WWOX: variants seen among roughly 807,000 people sequenced by gnomAD.
WWOX encodes the protein WW domain-containing oxidoreductase.
WWOX carries 69 observed loss-of-function variants against 46.2 expected under a neutral mutation model. The observed-to-expected ratio is 1.49, with a 90% confidence interval of 1.23 to 1.82. The LOEUF is 1.82. Ranked by LOEUF, WWOX falls within the 40% of genes most tolerant of loss-of-function variation. The probability of loss-of-function intolerance (pLI) is 0.00; values close to 1 mark genes in which losing one functional copy is unlikely to be tolerated. For synonymous variants in WWOX, 359 were observed against 202.6 expected (o/e 1.77, Z -6.56); for missense variants, 919 against 542.6 (o/e 1.69, Z -6.89).
At chr16:79,097,891 T>G (rs1483745707) in intron 8 of WWOX, among the ~76,000 whole-genome samples, 1 of 152,074 alleles carries the variant, frequency 6.6e-6, no homozygotes, top group Non-Finnish European at 1.5e-5. Context: ...CAGGTGAAGT[T>G]TCAAACCACC....
At chr16:79,150,798 C>T (rs1009251672) in intron 8 of WWOX, among the ~76,000 whole-genome samples, 1 of 152,182 alleles carries the variant, frequency 6.6e-6, no homozygotes, top group African/African-American at 2.4e-5. Context: ...TGTGTCACTG[C>T]ATCCAGCTTA....
At chr16:78,544,808 A>C (rs1033430225) in intron 8 of WWOX, among the ~76,000 whole-genome samples, 3 of 152,146 alleles carry the variant, frequency 2.0e-5, no homozygotes, top group African/African-American at 7.2e-5. Context: ...CCAGAAGTTC[A>C]AGGCTGCAGT....
intron 8 of WWOX, among the ~76,000 whole-genome samples, chr16:78,959,268 A>T (rs2046228024): frequency 6.6e-6 from 1 of 152,180 alleles, no homozygotes. Context: ...AGGGCATTGA[A>T]CTTAATTCAT....
rs117901855 is a variant in WWOX at position 78,817,315 on chromosome 16, A to C, written c.1056+384563A>C. 6.9e-3 allele frequency among the ~76,000 whole-genome samples: 1,043 copies of C among 150,952 alleles called. 9 individuals carry two copies. The highest frequency in any genetic ancestry group is 0.011 in the Non-Finnish European group (715 of 67,934). ...GTGTAGACTTGATAGAATTCTGATT[A>C]ATGCATCTTATTACATTAATTTTAG... On this transcript the variant is annotated intron_variant, in intron 8 of 8. Coordinates refer to ENST00000566780, the MANE Select transcript of WWOX (RefSeq NM_016373.4).
intron 8 of WWOX, among the ~76,000 whole-genome samples, chr16:79,044,836 C>G (rs2048036324): frequency 6.6e-6 from 1 of 152,166 alleles, no homozygotes; most frequent in African/African-American, 2.4e-5. Context: ...TGCCACTTAA[C>G]AGCTCTGTGA....
In WWOX at chr16:78,974,205, G is replaced by A. The variant is rs139735909; in HGVS notation, c.1057-237403G>A. On this transcript the variant is annotated intron_variant, in intron 8 of 8. Transcript: ENST00000566780. ...CTTTTGGAGGGAAAAGAAGGCAAGC[G>A]TACTCTTCAGAGAACGGATTCTTTT... Among the ~76,000 whole-genome samples, 556 of 152,334 alleles carry A rather than the reference G, an allele frequency of 3.6e-3. 2 individuals are homozygous for A. Among genetic ancestry groups the A allele is most frequent in the Non-Finnish European group, 6.1e-3 (417 of 68,036 alleles).
chr16:78,625,204 C>T (rs931176669), intron 8 of WWOX, among the ~76,000 whole-genome samples: 1 of 152,174 alleles, frequency 6.6e-6, no homozygotes, highest in Non-Finnish European at 1.5e-5. Flanking sequence ...AGGACAGCTG[C>T]AGTTCTGCGT....
intron 8 of WWOX, among the ~76,000 whole-genome samples, chr16:79,023,967 A>AC (rs57078629): frequency 4.0e-5 from 6 of 149,996 alleles, no homozygotes; most frequent in Admixed American, 2.0e-4. Context: ...AAACAAACAA[A>AC]AAAAACATTA....
chr16:79,151,407 G>A (rs559640770), intron 8 of WWOX, among the ~76,000 whole-genome samples: 23 of 152,284 alleles, frequency 1.5e-4, no homozygotes, highest in Admixed American at 5.2e-4. Context: ...GAGTATGTGC[G>A]CCTTCTTTTT....
intron 8 of WWOX, among the ~76,000 whole-genome samples, chr16:78,748,524 C>G (rs997910953): frequency 6.6e-6 from 1 of 152,108 alleles, no homozygotes; most frequent in Admixed American, 6.5e-5. Flanking sequence ...AGGGTCTTGC[C>G]CCATCTTGGC....
At chr16:78,374,841 C>T (rs1168669967) in intron 5 of WWOX, among the ~76,000 whole-genome samples, 1 of 152,036 alleles carries the variant, frequency 6.6e-6, no homozygotes, top group African/African-American at 2.4e-5. Flanking sequence ...CGAGTCTCCG[C>T]ACCCGGCCCT....
intron 8 of WWOX, among the ~76,000 whole-genome samples, chr16:79,113,457 C>T (rs1381853445): frequency 6.6e-6 from 1 of 152,194 alleles, no homozygotes; most frequent in Non-Finnish European, 1.5e-5. Flanking sequence ...TGGTCCACAC[C>T]TTGGTACAAC....
chr16:78,492,037 G>A (rs77062799), intron 8 of WWOX, among the ~76,000 whole-genome samples: 1 of 151,938 alleles, frequency 6.6e-6, no homozygotes, highest in Non-Finnish European at 1.5e-5. Flanking sequence ...AGGGAGTGGG[G>A]GTGTGGGGGT....
chr16:78,219,552 C>A (rs962974015), intron 5 of WWOX, among the ~76,000 whole-genome samples: 1 of 152,156 alleles, frequency 6.6e-6, no homozygotes, highest in African/African-American at 2.4e-5. Flanking sequence ...GAAAAACTCT[C>A]AGAGCTTGTC....
At chr16:78,539,281 C>G (rs2043830889) in intron 8 of WWOX, among the ~76,000 whole-genome samples, 1 of 152,192 alleles carries the variant, frequency 6.6e-6, no homozygotes. Context: ...CTGCGTGAGC[C>G]TTGTCCTACT....
At chr16:78,634,227 G>A (rs1254535133) in intron 8 of WWOX, among the ~76,000 whole-genome samples, 3 of 152,264 alleles carry the variant, frequency 2.0e-5, no homozygotes, top group African/African-American at 7.2e-5. Context: ...CCATAGTGGT[G>A]AGCTAAGAGC....
intron 8 of WWOX, among the ~76,000 whole-genome samples, chr16:78,932,809 GAACA>G (rs1292006864): frequency 3.9e-5 from 6 of 152,152 alleles, no homozygotes; most frequent in African/African-American, 7.2e-5. Context: ...CCCTCCTGTA[GAACA>G]AACAGACAAG....
intron 8 of WWOX, among the ~76,000 whole-genome samples, chr16:78,697,405 G>T (rs746721110): frequency 6.6e-6 from 1 of 152,084 alleles, no homozygotes; most frequent in Non-Finnish European, 1.5e-5. Flanking sequence ...CAAATAGGTG[G>T]GACTTAATTA....
chr16:78,875,825 C>G (rs2044223233), intron 8 of WWOX, among the ~76,000 whole-genome samples: 1 of 152,202 alleles, frequency 6.6e-6, no homozygotes, highest in Admixed American at 6.5e-5. Flanking sequence ...TTACAGGTTT[C>G]TAGGGCATCT....
Sources: gnomAD v4.1 joint callset for allele counts (sites outside exome capture counted in the v4.1 genomes callset) on GRCh38, gnomAD v4.1.1 for gene constraint, MANE v1.5 for transcripts, NCBI Gene and HGNC (gene_info 2026-07-23, HGNC 2026-07-21) for gene names.